The following SETD2 variants were observed in gnomAD, a reference collection of about 807,000 sequenced individuals.
SETD2 encodes SET domain containing 2, histone lysine methyltransferase.
A neutral mutation model predicts 242.1 loss-of-function variants in SETD2; 31 were observed. The observed-to-expected ratio is 0.13, with a 90% confidence interval of 0.10 to 0.17. SETD2 has a LOEUF of 0.17. SETD2 is among the 10% of genes least tolerant of loss of function. The pLI is 1.00. For synonymous variants in SETD2, 1,006 were observed against 1,066.5 expected (o/e 0.94, Z 1.11); for missense variants, 2,481 against 3,046.3 (o/e 0.81, Z 4.37).
rs757846944 is a variant in SETD2, at chr3:47,143,049, T to C, written c.72-16386A>G. 7.8e-4 allele frequency among the ~76,000 whole-genome samples: 118 copies of C among 152,090 alleles called. 1 individual carries two copies. The highest frequency in any genetic ancestry group is 1.5e-3 in the Non-Finnish European group (101 of 68,004). ...GGTCACACCTGTAATCCCAGCACTT[T>C]GGGAGGCTGATGCTGGAGGATCACT... On this transcript the variant is annotated intron_variant, in intron 1 of 20. Coordinates refer to ENST00000409792, the MANE Select transcript of SETD2 (RefSeq NM_014159.7).
At chr3:47,082,603 G>T (rs929146712) in intron 12 of SETD2, among the ~76,000 whole-genome samples, 3 of 152,120 alleles carry the variant, frequency 2.0e-5, no homozygotes, top group African/African-American at 7.2e-5. Context: ...TTAGAAAAAG[G>T]CCTGATTTCC....
At chr3:47,113,134 A>G (rs554557784) in intron 5 of SETD2, among the ~76,000 whole-genome samples, 1 of 150,862 alleles carries the variant, frequency 6.6e-6, no homozygotes, top group South Asian at 2.1e-4. Flanking sequence ...GAGACAAGAG[A>G]TCACTGCCAT....
At chr3:47,023,120 G>C (rs1006854247) in intron 18 of SETD2, among the ~76,000 whole-genome samples, 2 of 152,186 alleles carry the variant, frequency 1.3e-5, no homozygotes, top group African/African-American at 4.8e-5. Flanking sequence ...TGATTAGAGG[G>C]CTGGGCACGG....
At position 47,120,658 on chromosome 3, in the gene SETD2, T is replaced by C. The variant is rs552666324; in HGVS notation, c.3978A>G (p.Gln1326=). 4.3e-6 allele frequency: 7 copies of C among 1,614,122 alleles called. No individual in the cohort carries two copies. Among genetic ancestry groups the C allele is most frequent in the African/African-American group, 4.0e-5 (3 of 75,050 alleles). The change falls in exon 3 of 21, where the codon CAA becomes CAG. Residue 1326 remains glutamine (Q), a synonymous_variant. Transcript: ENST00000409792. The stretch of plus-strand genomic sequence containing the variant: ...GATCATCTGTTAGGGAATCTGGTAC[T>C]TGTCCTTGAGTTCGATCATACACAA... ...TGVVYDRTQG[Q]VPDSLTDDRE...
At chr3:47,151,250 C>T (rs2043975951) in intron 1 of SETD2, among the ~76,000 whole-genome samples, 1 of 152,062 alleles carries the variant, frequency 6.6e-6, no homozygotes, top group African/African-American at 2.4e-5. Context: ...AGCCAGGCTT[C>T]AATGAAATGT....
intron 15 of SETD2, among the ~76,000 whole-genome samples, chr3:47,054,729 G>GA (rs1364079437): frequency 6.6e-6 from 1 of 151,678 alleles, no homozygotes; most frequent in African/African-American, 2.4e-5. Context: ...ACAAAAAGCA[G>GA]AAAAAAACTA....
rs1307352585 is a variant in SETD2 at position 47,055,710 on chromosome 3, A to AT, written c.6963+1110dup. 2.6e-5 allele frequency among the ~76,000 whole-genome samples: 4 copies of AT among 151,430 alleles called. No individual in the cohort carries two copies. In the East Asian group the frequency reaches 7.7e-4, roughly 29 times the overall value. ...CTAATCTCTTAAAATAAAATAAAAA[A>AT]TAAAAAAAAGTTCTGCCGGCCAGGC... On this transcript the variant is annotated intron_variant, in intron 15 of 20. Transcript: ENST00000409792.
At chr3:47,164,386 C>A (rs1427897381), upstream of SETD2, 10 of 154,378 alleles carry the variant, frequency 6.5e-5, no homozygotes, top group Non-Finnish European at 8.6e-5. This position sits in a 1 kb window ranked among gnomAD's most constrained non-coding sequence, Gnocchi z 5.4. Flanking sequence ...CGACCCCTCC[C>A]GCAACCCGCC....
intron 16 of SETD2, among the ~76,000 whole-genome samples, chr3:47,043,397 G>C (rs1172306689): frequency 1.3e-5 from 2 of 152,152 alleles, no homozygotes; most frequent in African/African-American, 4.8e-5. Context: ...CAGCAAGAAG[G>C]CAGCCATTTG....
At chr3:47,086,084 A>G in intron 11 of SETD2, 111 bp downstream of exon 11, 1 of 1,185,086 alleles carries the variant, frequency 8.4e-7, no homozygotes, top group Non-Finnish European at 1.2e-6. Flanking sequence ...TTGATTATTT[A>G]ATACCAATGA....
intron 12 of SETD2, among the ~76,000 whole-genome samples, chr3:47,070,907 A>T (rs895168548): frequency 2.0e-5 from 3 of 152,130 alleles, no homozygotes; most frequent in African/African-American, 7.2e-5. Flanking sequence ...TTGTGTGTGT[A>T]TATGTGTGTA....
At chr3:47,089,932 C>T (rs752588981) in intron 9 of SETD2, among the ~76,000 whole-genome samples, 5 of 152,120 alleles carry the variant, frequency 3.3e-5, no homozygotes, top group East Asian at 3.9e-4. Flanking sequence ...GGCATGGTGA[C>T]GGACTGAGAA....
intron 14 of SETD2, among the ~76,000 whole-genome samples, chr3:47,057,691 ATAATTTCATCTC>A (rs1179645901): frequency 6.6e-6 from 1 of 152,186 alleles, no homozygotes; most frequent in Non-Finnish European, 1.5e-5. Context: ...AGAGATGAAA[ATAATTTCATCTC>A]TAATTTCATC....
chr3:47,077,558 A>G (rs2041142108), intron 12 of SETD2, among the ~76,000 whole-genome samples: 1 of 152,244 alleles, frequency 6.6e-6, no homozygotes, highest in African/African-American at 2.4e-5. Context: ...GATAGATAAT[A>G]GAGTGGTGAA....
intron 14 of SETD2, among the ~76,000 whole-genome samples, chr3:47,061,499 A>G (rs952113024): frequency 5.3e-5 from 8 of 152,184 alleles, no homozygotes; most frequent in African/African-American, 1.9e-4. Context: ...GGGTAACTAC[A>G]TGCCAAAGAA....
At chr3:47,066,083 C>T (rs1448061168) in intron 13 of SETD2, among the ~76,000 whole-genome samples, 1 of 152,152 alleles carries the variant, frequency 6.6e-6, no homozygotes, top group African/African-American at 2.4e-5. Context: ...TCTTCTTCCT[C>T]GTCAGTCTGC....
intron 1 of SETD2, among the ~76,000 whole-genome samples, chr3:47,158,554 T>A (rs1697386254): frequency 6.6e-6 from 1 of 152,236 alleles, no homozygotes; most frequent in South Asian, 2.1e-4. Flanking sequence ...CACTTCCTTA[T>A]GATTTTCTTA....
At chr3:47,087,218 A>G (rs2041600082) in intron 10 of SETD2, among the ~76,000 whole-genome samples, 2 of 151,814 alleles carry the variant, frequency 1.3e-5, no homozygotes, top group Non-Finnish European at 2.9e-5. Flanking sequence ...CAAAAAAAAA[A>G]AAAAAGCCAC....
At chr3:47,102,772 C>CAAAAAAAAAAAAAAAAAAAAAAA in intron 7 of SETD2, among the ~76,000 whole-genome samples, 1 of 97,940 alleles carries the variant, frequency 1.0e-5, no homozygotes, top group Non-Finnish European at 2.0e-5. Flanking sequence ...CCAGCCTGGG[C>CAAAAAAAAAAAAAAAAAAAAAAA]AAAAAAAAAA....
Sources: gnomAD v4.1 joint callset for allele counts (sites outside exome capture counted in the v4.1 genomes callset) on GRCh38, gnomAD v4.1.1 for gene constraint, Gnocchi (gnomAD v3.1) non-coding constraint, MANE v1.5 for transcripts, NCBI Gene and HGNC (gene_info 2026-07-23, HGNC 2026-07-21) for gene names.